Variants in CERS3 observed in about 807,000 individuals in gnomAD.
CERS3 encodes the protein LAG1 homolog, ceramide synthase 3.
CERS3 carries 33 observed loss-of-function variants against 50.3 expected under a neutral mutation model. That is an observed-to-expected ratio of 0.66 (90% CI 0.50 to 0.88). The LOEUF (loss-of-function observed/expected upper bound fraction) is 0.88. CERS3 is among the 40% of genes least tolerant of loss of function. The pLI is 0.00. For synonymous variants in CERS3, 176 were observed against 155.2 expected (o/e 1.13, Z -0.99); for missense variants, 470 against 460.3 (o/e 1.02, Z -0.19).
rs982336794 is a variant in CERS3 at position 100,497,032 on chromosome 15, T to G, written c.173+4645A>C. Among the ~76,000 whole-genome samples the G allele has an allele frequency of 2.4e-4, 37 of 152,018 alleles. 1 individual carries two copies. The highest frequency in any genetic ancestry group is 8.9e-4 in the African/African-American group (37 of 41,452). On this transcript the variant is annotated intron_variant, in intron 3 of 11. Transcript: ENST00000679737. ...AATGTGGAGAGATCATAAAACATAG[T>G]GCTAAATTTTAAAAAAGAAGAAAGA... is the stretch of plus-strand genomic sequence containing the variant.
chr15:100,530,686 T>C (rs1270410293), upstream of CERS3, among the ~76,000 whole-genome samples: 3 of 152,212 alleles, frequency 2.0e-5, no homozygotes, highest in Admixed American at 2.0e-4. Flanking sequence ...CCCAAAATAG[T>C]GATCATCCAA....
In CERS3 at chr15:100,473,666, T is replaced by C. The variant is rs58423954; in HGVS notation, c.610-614A>G. On this transcript the variant is annotated intron_variant, in intron 8 of 11. Coordinates refer to ENST00000679737, the MANE Select transcript of CERS3 (RefSeq NM_001378789.1). ...ACAATAACAAGTGTTGGCAAGGATG[T>C]GGAGAAACTGGAACTCTAATACAGT... 9.2e-3 allele frequency among the ~76,000 whole-genome samples: 1,402 copies of C among 152,338 alleles called. 28 individuals are homozygous for C. The highest frequency in any genetic ancestry group is 0.032 in the African/African-American group (1,321 of 41,580).
At chr15:100,443,019 T>G (rs200270000) in intron 11 of CERS3, among the ~76,000 whole-genome samples, 5,212 of 133,988 alleles carry the variant, frequency 0.039, 11 homozygotes, top group East Asian at 0.24. Context: ...CACTCCTTTT[T>G]AGTTATCCCC....
intron 2 of CERS3, among the ~76,000 whole-genome samples, chr15:100,505,638 A>G (rs2036153827): frequency 6.6e-6 from 1 of 152,240 alleles, no homozygotes; most frequent in Non-Finnish European, 1.5e-5. Context: ...AATGGCTAAA[A>G]TTGTAAAACT....
At chr15:100,526,579 C>G (rs1445976479) in intron 1 of CERS3, among the ~76,000 whole-genome samples, 1 of 150,948 alleles carries the variant, frequency 6.6e-6, no homozygotes, top group African/African-American at 2.4e-5. Flanking sequence ...GATGTTCTTG[C>G]TTTTTGCTTG....
chr15:100,517,679 T>G (rs1191475895), intron 2 of CERS3, among the ~76,000 whole-genome samples: 1 of 152,070 alleles, frequency 6.6e-6, no homozygotes, highest in African/African-American at 2.4e-5. Context: ...TAAAATGTGT[T>G]TCTTATGTAA....
chr15:100,469,297 G>A (rs2034884834), intron 10 of CERS3, 81 bp downstream of exon 10: 2 of 991,224 alleles, frequency 2.0e-6, no homozygotes, highest in Admixed American at 1.9e-5. Context: ...GTATGGAAAG[G>A]GCAATGCCCT....
At chr15:100,452,214 C>T in intron 11 of CERS3, among the ~76,000 whole-genome samples, 1 of 152,036 alleles carries the variant, frequency 6.6e-6, no homozygotes, top group Admixed American at 6.6e-5. Flanking sequence ...CAGGATAGAC[C>T]ATATGTTAGG....
At chr15:100,480,752 A>C (rs898525847) in intron 5 of CERS3, among the ~76,000 whole-genome samples, 2 of 152,244 alleles carry the variant, frequency 1.3e-5, no homozygotes, top group African/African-American at 4.8e-5. Flanking sequence ...TATTGCAATT[A>C]TGCTGAAAAT....
chr15:100,493,050 A>G (rs1354600147), intron 3 of CERS3, among the ~76,000 whole-genome samples: 1 of 152,206 alleles, frequency 6.6e-6, no homozygotes, highest in African/African-American at 2.4e-5. Flanking sequence ...GATTTAGATT[A>G]TTGTTTTATA....
intron 11 of CERS3, among the ~76,000 whole-genome samples, chr15:100,438,798 G>T (rs555362327): frequency 6.0e-4 from 91 of 152,332 alleles, no homozygotes; most frequent in African/African-American, 2.1e-3. Context: ...AGTTCCCCCC[G>T]CACGTCTTGA....
intron 11 of CERS3, among the ~76,000 whole-genome samples, chr15:100,421,120 T>G (rs2032392405): frequency 6.6e-6 from 1 of 151,400 alleles, no homozygotes; most frequent in Admixed American, 6.6e-5. Flanking sequence ...GGGTATTCAA[T>G]TAGGAAAAGA....
At chr15:100,492,191 G>A (rs1004891162) in intron 3 of CERS3, among the ~76,000 whole-genome samples, 1 of 152,116 alleles carries the variant, frequency 6.6e-6, no homozygotes, top group Non-Finnish European at 1.5e-5. Flanking sequence ...TGAGTAGAGT[G>A]TTCTATAGAT....
At chr15:100,467,969 G>A (rs142187878) in intron 10 of CERS3, among the ~76,000 whole-genome samples, 1,553 of 151,198 alleles carry the variant, frequency 0.01, 16 homozygotes, top group East Asian at 0.025. Flanking sequence ...TGACCCCCCC[G>A]CCAACCTCAG....
rs1397930441 is a variant in CERS3 at position 100,417,414 on chromosome 15, C to G, written c.1000-14549G>C. On this transcript the variant is annotated intron_variant, in intron 11 of 11. Coordinates refer to ENST00000679737, the MANE Select transcript of CERS3 (RefSeq NM_001378789.1). Reference sequence around the variant, plus strand: ...CGCACCACGAGATTATATCCCACACCTGGCTCTGAGGGTCCTACCCCACGG... The same window carrying G: ...CGCACCACGAGATTATATCCCACACGTGGCTCTGAGGGTCCTACCCCACGG... Among the ~76,000 whole-genome samples, 4 of 152,130 alleles carry G rather than the reference C, an allele frequency of 2.6e-5. No individual in the cohort carries two copies. In the South Asian group the frequency reaches 6.2e-4, roughly 24 times the overall value.
chr15:100,476,333 A>T (rs1257231562), intron 7 of CERS3, among the ~76,000 whole-genome samples, 155 bp from the exon 8 acceptor site: 1 of 152,254 alleles, frequency 6.6e-6, no homozygotes, highest in Non-Finnish European at 1.5e-5. Flanking sequence ...CGAAGGAATT[A>T]AAGATAATAT....
chr15:100,535,684 GAATTA>G (rs1209284640), intron 1 of CERS3, among the ~76,000 whole-genome samples: 7 of 149,994 alleles, frequency 4.7e-5, no homozygotes, highest in Non-Finnish European at 5.9e-5. Context: ...ATGTAAGCAC[GAATTA>G]GAAGTATCCA....
intron 11 of CERS3, among the ~76,000 whole-genome samples, chr15:100,419,629 A>AT (rs1470697255): frequency 6.7e-6 from 1 of 150,144 alleles, no homozygotes; most frequent in Non-Finnish European, 1.5e-5. Flanking sequence ...CAGAATATAC[A>AT]TTTTTTTCAG....
Position 100,501,796 on chromosome 15 carries a change from T to C in CERS3, c.54A>G (p.Pro18=), listed in dbSNP as rs1476196189. The part of the protein sequence containing the change: ...WFWLERFWLP[P]TIKWSDLEDH... Reference sequence around the variant, plus strand: ...CCTCAAGATCTGACCACTTTATTGTTGGAGGAAGCCAGAATCTTTCCAACC... The same window carrying C: ...CCTCAAGATCTGACCACTTTATTGTCGGAGGAAGCCAGAATCTTTCCAACC... The change falls in exon 3 of 12, where the codon CCA becomes CCG. Residue 18 remains proline, a synonymous_variant. Transcript: ENST00000679737. The C allele has an allele frequency of 1.2e-6, 2 of 1,614,060 alleles. No individual in the cohort carries two copies. The highest frequency in any genetic ancestry group is 2.7e-5 in the African/African-American group (2 of 74,936).
Sources: allele counts gnomAD v4.1 joint callset (sites outside exome capture counted in the v4.1 genomes callset), GRCh38; gene constraint gnomAD v4.1.1; transcripts MANE v1.5; gene names NCBI Gene and HGNC (gene_info 2026-07-23, HGNC 2026-07-21).